KLHL29: variants seen among roughly 807,000 people sequenced by gnomAD.
The protein encoded by KLHL29 is kelch-like protein 29.
KLHL29 carries 21 observed loss-of-function variants against 80.4 expected under a neutral mutation model. The observed-to-expected ratio is 0.26, with a 90% CI of 0.19 to 0.38. The LOEUF (loss-of-function observed/expected upper bound fraction) is 0.38, where lower values mean the gene tolerates loss of function less well. Among genes scored for constraint, KLHL29 ranks in the 10% least tolerant of loss-of-function variants. The probability of loss-of-function intolerance (pLI) is 1.00; values close to 1 mark genes in which losing one functional copy is unlikely to be tolerated. For missense variants in KLHL29, 867 were observed against 1,223.9 expected (o/e 0.71, Z 4.35); for synonymous variants, 511 against 526.8 (o/e 0.97, Z 0.41).
At chr2:23,391,859 C>T (rs1666329718) in intron 1 of KLHL29, among the ~76,000 whole-genome samples, 1 of 152,232 alleles carries the variant, frequency 6.6e-6, no homozygotes, top group African/African-American at 2.4e-5. Context: ...GACATTTGTT[C>T]TTCCTTTTCT....
chr2:23,515,863 G>C (rs994793625), intron 2 of KLHL29, among the ~76,000 whole-genome samples: 9 of 152,228 alleles, frequency 5.9e-5, no homozygotes, highest in African/African-American at 2.2e-4. Flanking sequence ...CTGTTCCTCT[G>C]TGGTGGCTCC....
chr2:23,603,453 G>T (rs150601902), intron 3 of KLHL29, among the ~76,000 whole-genome samples: 2 of 152,102 alleles, frequency 1.3e-5, no homozygotes, highest in African/African-American at 2.4e-5. Context: ...TCTGTGTCTC[G>T]GGACAAAAAT....
chr2:23,634,529 C>G (rs754646801), intron 3 of KLHL29, among the ~76,000 whole-genome samples: 1 of 152,150 alleles, frequency 6.6e-6, no homozygotes, highest in Non-Finnish European at 1.5e-5. Flanking sequence ...CATCCTTGGG[C>G]AAACAGTGGA....
chr2:23,417,568 C>T (rs909423692), intron 1 of KLHL29, among the ~76,000 whole-genome samples: 4 of 152,156 alleles, frequency 2.6e-5, no homozygotes, highest in African/African-American at 4.8e-5. Context: ...CTGAAGCAGA[C>T]GGAAATGAAG....
intron 5 of KLHL29, among the ~76,000 whole-genome samples, chr2:23,653,566 C>T (rs769246869): frequency 1.3e-4 from 20 of 152,304 alleles, no homozygotes; most frequent in Admixed American, 5.9e-4. Context: ...ACAAGACACG[C>T]ACCACTCACA....
intron 6 of KLHL29, among the ~76,000 whole-genome samples, chr2:23,687,724 A>T (rs1671332093): frequency 6.6e-6 from 1 of 152,184 alleles, no homozygotes; most frequent in South Asian, 2.1e-4. Flanking sequence ...TTGTCCGGGC[A>T]GACAAGTGGG....
chr2:23,386,811 C>T (rs1333634750), intron 1 of KLHL29, among the ~76,000 whole-genome samples: 3 of 152,052 alleles, frequency 2.0e-5, no homozygotes, highest in African/African-American at 7.2e-5. Context: ...TCGGAGGTGG[C>T]TCTTAGGGCA....
chr2:23,578,819 GGCT>G (rs1280834846), intron 3 of KLHL29, among the ~76,000 whole-genome samples: 12 of 152,176 alleles, frequency 7.9e-5, no homozygotes, highest in African/African-American at 2.7e-4. Context: ...GGAGCCCCGT[GGCT>G]GCCTCTCATC....
chr2:23,439,258 C>A (rs1201829276), intron 1 of KLHL29, among the ~76,000 whole-genome samples: 2 of 152,048 alleles, frequency 1.3e-5, no homozygotes, highest in Admixed American at 1.3e-4. Context: ...TTTCAAAAAA[C>A]CAGCTCCTGG....
chr2:23,426,496 C>T (rs948060768), intron 1 of KLHL29, among the ~76,000 whole-genome samples: 1 of 152,206 alleles, frequency 6.6e-6, no homozygotes, highest in East Asian at 1.9e-4. Context: ...CTCGGGGTCT[C>T]CCAGTGCGCA....
intron 11 of KLHL29, among the ~76,000 whole-genome samples, chr2:23,698,169 A>G (rs1672098260): frequency 6.6e-6 from 1 of 152,180 alleles, no homozygotes; most frequent in South Asian, 2.1e-4. Flanking sequence ...TGGCTGTGAA[A>G]GTTCAGCATG....
chr2:23,644,899 C>T (rs928572065), intron 5 of KLHL29, among the ~76,000 whole-genome samples: 8 of 152,236 alleles, frequency 5.3e-5, no homozygotes, highest in South Asian at 2.1e-4. Context: ...GGTGAGCCAG[C>T]GGGACCCACC....
intron 5 of KLHL29, 171 bp downstream of exon 5, chr2:23,643,021 G>A (rs1441210730): frequency 6.2e-6 from 5 of 801,086 alleles, no homozygotes; most frequent in Non-Finnish European, 1.1e-5. Flanking sequence ...GCCTGAGATG[G>A]GGGAGGGAGG....
At chr2:23,588,842 C>G (rs940874405) in intron 3 of KLHL29, among the ~76,000 whole-genome samples, 6 of 152,194 alleles carry the variant, frequency 3.9e-5, no homozygotes, top group African/African-American at 1.2e-4. Context: ...GAAGACAAGT[C>G]TCACCCAGAG....
At chr2:23,396,988 A>C (rs1235253863) in intron 1 of KLHL29, among the ~76,000 whole-genome samples, 1 of 152,106 alleles carries the variant, frequency 6.6e-6, no homozygotes, top group African/African-American at 2.4e-5. Context: ...TGTGACCTTG[A>C]GGGAGGCTTC....
intron 1 of KLHL29, among the ~76,000 whole-genome samples, chr2:23,423,419 C>G (rs997868258): frequency 6.6e-6 from 1 of 152,226 alleles, no homozygotes; most frequent in Non-Finnish European, 1.5e-5. Context: ...CGCGGGCTGT[C>G]CCCTGCTTTG....
chr2:23,699,513 C>T (rs11125168), intron 11 of KLHL29, among the ~76,000 whole-genome samples: 80,363 of 152,034 alleles, frequency 0.53, 22,102 homozygotes, highest in East Asian at 0.79. Flanking sequence ...CCTCAAACAT[C>T]CCAGTGACCT....
chr2:23,559,203 G>A (rs145272868), intron 2 of KLHL29, among the ~76,000 whole-genome samples: 102 of 152,276 alleles, frequency 6.7e-4, no homozygotes, highest in African/African-American at 2.3e-3. Flanking sequence ...GAAACCATAA[G>A]GCATTTGGAA....
At chr2:23,495,444 A>G (rs1388697649) in intron 2 of KLHL29, among the ~76,000 whole-genome samples, 3 of 152,144 alleles carry the variant, frequency 2.0e-5, no homozygotes, top group African/African-American at 2.4e-5. Flanking sequence ...TTGGCTGGAC[A>G]TTCCCATTTG....
Sources: allele counts gnomAD v4.1 joint callset (sites outside exome capture counted in the v4.1 genomes callset), GRCh38; gene constraint gnomAD v4.1.1; transcripts MANE v1.5; gene names NCBI Gene and HGNC (gene_info 2026-07-23, HGNC 2026-07-21).